The following SLC23A2 variants were observed in gnomAD, a reference collection of about 807,000 sequenced individuals.
The protein encoded by SLC23A2 is Na(+)/L-ascorbic acid transporter 2.
A neutral mutation model predicts 73.3 loss-of-function variants in SLC23A2; 36 were observed. The observed-to-expected ratio is 0.49, with a 90% CI of 0.38 to 0.65. SLC23A2 has a LOEUF of 0.65. Among genes scored for constraint, SLC23A2 ranks in the 30% least tolerant of loss-of-function variants. The probability of loss-of-function intolerance (pLI) is 0.00; values close to 1 mark genes in which losing one functional copy is unlikely to be tolerated. For synonymous variants in SLC23A2, 343 were observed against 327.3 expected, an observed-to-expected ratio of 1.05 and a Z score of -0.52; for missense variants, 507 against 841.6, an observed-to-expected ratio of 0.60 and a Z score of 4.92.
chr20:4,863,022 C>A lies in SLC23A2; in HGVS notation c.1357-115G>T. The A allele has an allele frequency of 1.0e-6, 1 of 975,208 alleles. No homozygotes were observed. 60.4% of individuals were successfully genotyped at this position (975,208 alleles called of 1,614,324 possible). A position where few individuals can be genotyped will look rare whatever the true frequency, so the allele number is the denominator to read the frequency against. On this transcript the variant is annotated intron_variant, in intron 13 of 16. Transcript: ENST00000338244. The surrounding 1 kb of genome is among the most constrained non-coding windows in gnomAD (Gnocchi z 4.8). ...ATGGCCTGGCTCGCTACCTTCACCT[C>A]CTCCTCAGCCCACTCTTCTCACCTC...
upstream of SLC23A2, among the ~76,000 whole-genome samples, chr20:5,006,233 G>A (rs1214886162): frequency 6.6e-6 from 1 of 151,684 alleles, no homozygotes. Flanking sequence ...GAGTAGCTGG[G>A]ATTACAGGCG....
At chr20:4,860,555 A>G (rs532720470) in intron 15 of SLC23A2, among the ~76,000 whole-genome samples, 3 of 152,216 alleles carry the variant, frequency 2.0e-5, no homozygotes, top group South Asian at 2.1e-4. Context: ...TTCCCCAGCA[A>G]TGGTTCAGTA....
Position 4,913,834 on chromosome 20 carries a change from T to G in SLC23A2, c.109-856A>C, listed in dbSNP as rs567780007. ...TAGAGACGGGGTTTCACCATGTTGG[T>G]CAGGCTGGTCTCGAACTCCTAACCT... On this transcript the variant is annotated intron_variant, in intron 3 of 16. Coordinates refer to ENST00000338244, the MANE Select transcript of SLC23A2 (RefSeq NM_005116.6). 3.3e-5 allele frequency among the ~76,000 whole-genome samples: 5 copies of G among 151,774 alleles called. No homozygotes were observed. In the South Asian group the frequency reaches 8.3e-4, roughly 25 times the overall value.
chr20:5,007,513 A>G (rs2088204096), intron 1 of SLC23A2, among the ~76,000 whole-genome samples: 1 of 152,238 alleles, frequency 6.6e-6, no homozygotes, highest in Non-Finnish European at 1.5e-5. Flanking sequence ...CCTGGGCAAT[A>G]GAGCAAGACT....
At chr20:4,930,671 T>C (rs754577391) in intron 3 of SLC23A2, among the ~76,000 whole-genome samples, 18 of 152,030 alleles carry the variant, frequency 1.2e-4, no homozygotes, top group Non-Finnish European at 2.6e-4. Context: ...ATACAAAAAT[T>C]AGCTGGGCGT....
chr20:5,001,764 C>G (rs1298367740), upstream of SLC23A2, among the ~76,000 whole-genome samples: 1 of 151,986 alleles, frequency 6.6e-6, no homozygotes, highest in Admixed American at 6.6e-5. Context: ...ACCAGTCACA[C>G]CTGTTCCTGG....
chr20:5,005,038 A>AATAAATAAATAG (rs1467463914), upstream of SLC23A2, among the ~76,000 whole-genome samples: 1 of 150,928 alleles, frequency 6.6e-6, no homozygotes, highest in African/African-American at 2.4e-5. Flanking sequence ...TAAATAAATA[A>AATAAATAAATAG]AAATTTAATA....
intron 9 of SLC23A2, among the ~76,000 whole-genome samples, chr20:4,878,070 A>C (rs535702515): frequency 6.6e-6 from 1 of 152,174 alleles, no homozygotes; most frequent in South Asian, 2.1e-4. Flanking sequence ...CCAAATGGCT[A>C]CTCCTATCAC....
rs1237699107 is a variant in SLC23A2 at position 4,998,634 on chromosome 20, C to T, written c.-282+2772G>A. On this transcript the variant is annotated intron_variant, in intron 1 of 16. Transcript: ENST00000338244. This position sits in a 1 kb window ranked among gnomAD's most constrained non-coding sequence, Gnocchi z 4.1. ...AGGTGAGGTTACTGGGCACTGGGAA[C>T]CAACAGACTGGTGTGTGAGAGTTTT... 6.6e-6 allele frequency among the ~76,000 whole-genome samples: 1 copy of T among 151,944 alleles called. No homozygotes were observed. The highest frequency in any genetic ancestry group is 1.5e-5 in the Non-Finnish European group (1 of 67,998).
At chr20:4,977,708 A>G (rs892204680) in intron 1 of SLC23A2, among the ~76,000 whole-genome samples, 2 of 151,626 alleles carry the variant, frequency 1.3e-5, no homozygotes, top group Admixed American at 6.6e-5. Context: ...CAAAAAAAAA[A>G]AAAAGAAAAG....
rs763351316 is a variant in SLC23A2, at chr20:4,885,830, T to C, written c.562A>G (p.Asn188Asp). 1.2e-4 allele frequency: 188 copies of C among 1,610,604 alleles called. No individual in the cohort carries two copies. Among genetic ancestry groups the C allele is most frequent in the Non-Finnish European group, 1.5e-4 (181 of 1,176,924 alleles). ...AILSLDKWKCNTTDVSVANGT... is the reference protein window; with the variant it reads ...AILSLDKWKCDTTDVSVANGT... ...AAATAACTGCAATTACCTGTGGTGT[T>C]ACATTTCCATTTATCTAAAGACAGG... The change falls in exon 7 of 17, where the codon AAC becomes GAC. Residue 188 changes from asparagine to aspartate, a missense_variant. Asn to Asp is a conservative substitution (Grantham distance 23). Around this residue, in one of 5 missense-constraint regions of SLC23A2, gnomAD observed 217 missense variants for 398.0 expected, o/e 0.55. Coordinates refer to ENST00000338244, the MANE Select transcript of SLC23A2 (RefSeq NM_005116.6).
intron 9 of SLC23A2, among the ~76,000 whole-genome samples, chr20:4,876,331 A>G (rs1363806797): frequency 2.6e-5 from 4 of 152,238 alleles, no homozygotes; most frequent in Admixed American, 2.6e-4. Flanking sequence ...GAGACCACAC[A>G]GAATTTGAGG....
intron 4 of SLC23A2, 146 bp downstream of exon 4, chr20:4,912,734 G>T: frequency 1.7e-6 from 1 of 586,848 alleles, no homozygotes; most frequent in South Asian, 1.9e-5. Flanking sequence ...CCCTTATGAA[G>T]AGAACACAGC....
At chr20:4,865,934 G>C (rs535898702) in intron 13 of SLC23A2, among the ~76,000 whole-genome samples, 2 of 152,240 alleles carry the variant, frequency 1.3e-5, no homozygotes, top group East Asian at 3.9e-4. Context: ...CTGGGTTCAA[G>C]TGACTCTCCT....
intron 1 of SLC23A2, among the ~76,000 whole-genome samples, chr20:4,981,693 T>TCTTC (rs1315280726): frequency 6.6e-6 from 1 of 151,768 alleles, no homozygotes; most frequent in Non-Finnish European, 1.5e-5. Context: ...TTTCTTTCTT[T>TCTTC]CTTCCTTCCT....
At chr20:4,865,128 C>A (rs906484007) in intron 13 of SLC23A2, among the ~76,000 whole-genome samples, 3 of 152,228 alleles carry the variant, frequency 2.0e-5, no homozygotes, top group African/African-American at 7.2e-5. Flanking sequence ...TCCCTGGAAT[C>A]TCCTTGGCAC....
intron 1 of SLC23A2, among the ~76,000 whole-genome samples, chr20:4,983,033 A>G (rs1369119592): frequency 6.6e-6 from 1 of 151,876 alleles, no homozygotes; most frequent in Non-Finnish European, 1.5e-5. Flanking sequence ...TGAACCCAGG[A>G]GGCAGAGGTT....
At chr20:4,871,626 C>A (rs770579710) in intron 11 of SLC23A2, among the ~76,000 whole-genome samples, 1 of 152,112 alleles carries the variant, frequency 6.6e-6, no homozygotes, top group Non-Finnish European at 1.5e-5. Context: ...CGGTTAAGGG[C>A]AGAATTGCTC....
chr20:4,977,712 AG>A (rs1288589957), intron 1 of SLC23A2, among the ~76,000 whole-genome samples: 2 of 151,298 alleles, frequency 1.3e-5, no homozygotes, highest in Non-Finnish European at 2.9e-5. Flanking sequence ...AAAAAAAAAA[AG>A]AAAAGAAAAG....
Sources: gnomAD v4.1 joint callset for allele counts (sites outside exome capture counted in the v4.1 genomes callset) on GRCh38, gnomAD v4.1.1 for gene constraint, gnomAD v4.1.1 regional missense constraint, Gnocchi (gnomAD v3.1) non-coding constraint, MANE v1.5 for transcripts, NCBI Gene and HGNC (gene_info 2026-07-23, HGNC 2026-07-21) for gene names.